Variants in PCDHB14 observed in about 807,000 individuals in gnomAD.
PCDHB14 encodes the protein protocadherin beta 14.
For synonymous variants in PCDHB14, 511 were observed against 441.5 expected (o/e 1.16, Z -1.97); for missense variants, 1,129 against 1,000.5 (o/e 1.13, Z -1.73).
chr5:141,223,671 G>T lies in PCDHB14; in HGVS notation c.166G>T (p.Val56Leu), dbSNP rs1754765665. 1 of 1,614,154 alleles carries T rather than the reference G, an allele frequency of 6.2e-7. No homozygotes were observed. The highest frequency in any genetic ancestry group is 8.5e-7 in the Non-Finnish European group (1 of 1,180,028). ...TCTAGCGAGGGACCTAGGGCTGGGGGTGGAGGAGCTGTCTTCACGTGAAGC... is the reference window on the plus strand; with the variant it reads ...TCTAGCGAGGGACCTAGGGCTGGGGTTGGAGGAGCTGTCTTCACGTGAAGC... ...ANLARDLGLG[V>L]EELSSREARV... Residue 56 changes from valine (V) to leucine (L), a missense_variant, in exon 1 of 1, where the codon GTG (valine) becomes TTG (leucine). By Grantham distance (32) the Val-to-Leu change is conservative. Coordinates refer to ENST00000239449, the MANE Select transcript of PCDHB14 (RefSeq NM_018934.4).
rs1211184066 is a variant in PCDHB14 at position 141,225,185 on chromosome 5, C to G, written c.1680C>G (p.Phe560Leu). Residue 560 changes from phenylalanine (F) to leucine (L), a missense_variant, in exon 1 of 1, where the codon TTC (phenylalanine) becomes TTG (leucine). Transcript: ENST00000239449. ...LVLDANDNSPFVLYPLQNGSA... is the reference protein window; with the variant it reads ...LVLDANDNSPLVLYPLQNGSA... ...TGGACGCCAACGACAACTCGCCCTT[C>G]GTGCTGTACCCGCTGCAGAACGGCT... 2 of 1,609,842 alleles carry G rather than the reference C, an allele frequency of 1.2e-6. No individual in the cohort carries two copies. The highest frequency in any genetic ancestry group is 2.7e-5 in the African/African-American group (2 of 74,970).
rs782215545 is a variant in PCDHB14, at chr5:141,225,237, C to T, written c.1732C>T (p.Arg578Trp). ...GSAPCTELVP[R>W]AAEPGYLVTK... Reference sequence around the variant, plus strand: ...CGCGCCCTGCACCGAGCTGGTGCCCCGGGCGGCCGAGCCGGGCTACCTGGT... The same window carrying T: ...CGCGCCCTGCACCGAGCTGGTGCCCTGGGCGGCCGAGCCGGGCTACCTGGT... The change falls in exon 1 of 1, where the codon CGG (arginine) becomes TGG (tryptophan). Residue 578 changes from arginine to tryptophan, a missense_variant. Arg to Trp is a moderately radical substitution (Grantham distance 101). Coordinates refer to ENST00000239449, the MANE Select transcript of PCDHB14 (RefSeq NM_018934.4). 47 of 1,600,898 alleles carry T rather than the reference C, an allele frequency of 2.9e-5. No individual in the cohort carries two copies. Among genetic ancestry groups the T allele is most frequent in the Middle Eastern group, 2.3e-4 (1 of 4,418 alleles).
chr5:141,226,296 C>A lies in PCDHB14; in HGVS notation c.*394C>A. On this transcript the variant is annotated 3_prime_UTR_variant, in exon 1 of 1. Coordinates refer to ENST00000239449, the MANE Select transcript of PCDHB14 (RefSeq NM_018934.4). ...ATAAAAAGCGTTGCTGAATCTGGGT[C>A]GAAAATGTAGTGCGTTTATCCCACT... is the stretch of plus-strand genomic sequence containing the variant. 1 of 175,956 alleles carries A rather than the reference C, an allele frequency of 5.7e-6. No individual in the cohort carries two copies. The highest frequency in any genetic ancestry group is 1.3e-5 in the Non-Finnish European group (1 of 75,260). 10.9% of individuals were successfully genotyped at this position (175,956 alleles called of 1,614,324 possible). A position where few individuals can be genotyped will look rare whatever the true frequency, so the allele number is the denominator to read the frequency against.
At position 141,225,794 on chromosome 5, in the gene PCDHB14, G is replaced by A. The variant is rs781909873; in HGVS notation, c.2289G>A (p.Glu763=). 2 of 1,614,224 alleles carry A rather than the reference G, an allele frequency of 1.2e-6. No homozygotes were observed. The highest frequency in any genetic ancestry group is 1.7e-6 in the Non-Finnish European group (2 of 1,180,048). The change falls in exon 1 of 1, where the codon GAG becomes GAA. Residue 763 remains glutamate (E), a synonymous_variant. Transcript: ENST00000239449. ...VCLTGGSGTN[E]FKFLKPIIPN... is the part of the protein sequence containing the mutation. ...TGACAGGAGGTTCCGGGACAAATGA[G>A]TTCAAATTTCTGAAGCCGATTATCC... is the stretch of plus-strand genomic sequence containing the variant.
In PCDHB14 at chr5:141,226,111, C is replaced by A; in HGVS notation, c.*209C>A. 1 of 573,868 alleles carries A rather than the reference C, an allele frequency of 1.7e-6. No homozygotes were observed. Among genetic ancestry groups the A allele is most frequent in the Non-Finnish European group, 3.1e-6 (1 of 327,664 alleles). 35.5% of individuals were successfully genotyped at this position (573,868 alleles called of 1,614,324 possible). On this transcript the variant is annotated 3_prime_UTR_variant, in exon 1 of 1. Coordinates refer to ENST00000239449, the MANE Select transcript of PCDHB14 (RefSeq NM_018934.4). ...TTTTCTGGTTTTTCATTTATTTGGC[C>A]AAAATGTTATATTAATGGAGTTATT... is the stretch of plus-strand genomic sequence containing the variant.
Position 141,224,002 on chromosome 5 carries a change from G to A in PCDHB14, c.497G>A (p.Ser166Asn). The A allele has an allele frequency of 6.2e-7, 1 of 1,613,482 alleles. No homozygotes were observed. The highest frequency in any genetic ancestry group is 1.1e-5 in the South Asian group (1 of 90,902). ...SAQDLDVGSN[S>N]LQNYTISPNS... is the part of the protein sequence containing the mutation. The stretch of plus-strand genomic sequence containing the variant: ...CAAGATTTGGATGTCGGAAGCAACA[G>A]TCTCCAAAACTACACAATTAGCCCC... Residue 166 changes from serine (S) to asparagine (N), a missense_variant, in exon 1 of 1, where the codon AGT (serine) becomes AAT (asparagine). Transcript: ENST00000239449.
Position 141,224,205 on chromosome 5 carries a change from G to A in PCDHB14, c.700G>A (p.Asp234Asn). The A allele has an allele frequency of 6.2e-7, 1 of 1,613,924 alleles. No homozygotes were observed. The highest frequency in any genetic ancestry group is 8.5e-7 in the Non-Finnish European group (1 of 1,179,936). ...AACTTTGGTTCTCATCAAGGTGTTGGACATCAATGATAATGCCCCTGAGTT... is the reference window on the plus strand; with the variant it reads ...AACTTTGGTTCTCATCAAGGTGTTGAACATCAATGATAATGCCCCTGAGTT... Reference protein sequence around the residue: ...GTTLVLIKVLDINDNAPEFPQ... With the variant: ...GTTLVLIKVLNINDNAPEFPQ... The change falls in exon 1 of 1, where the codon GAC becomes AAC. Residue 234 changes from aspartate (D) to asparagine (N), a missense_variant. By Grantham distance (23) the Asp-to-Asn change is conservative. Transcript: ENST00000239449.
Position 141,223,516 on chromosome 5 carries a change from G to A in PCDHB14, c.11G>A (p.Arg4Lys). 1 of 1,608,764 alleles carries A rather than the reference G, an allele frequency of 6.2e-7. No individual in the cohort carries two copies. The highest frequency in any genetic ancestry group is 8.5e-7 in the Non-Finnish European group (1 of 1,176,442). Residue 4 changes from arginine to lysine, a missense_variant, in exon 1 of 1, where the codon AGA (arginine) becomes AAA (lysine). Arg to Lys is a conservative substitution (Grantham distance 26). Transcript: ENST00000239449. ...TTGCCTAAAGGAACCATGGAGATCA[G>A]AGGGGCACTCGATCTGCGAAAAAGG... MEI[R>K]GALDLRKRQV...
Position 141,223,705 on chromosome 5 carries a change from T to A in PCDHB14, c.200T>A (p.Val67Glu). Residue 67 changes from valine to glutamate, a missense_variant, in exon 1 of 1, where the codon GTG (valine) becomes GAG (glutamate). Coordinates refer to ENST00000239449, the MANE Select transcript of PCDHB14 (RefSeq NM_018934.4). Reference sequence around the variant, plus strand: ...CTGTCTTCACGTGAAGCCCGGGTAGTGTCTGATGATAATAAAAAGTATTTG... The same window carrying A: ...CTGTCTTCACGTGAAGCCCGGGTAGAGTCTGATGATAATAAAAAGTATTTG... Reference protein sequence around the residue: ...EELSSREARVVSDDNKKYLHL... With the variant: ...EELSSREARVESDDNKKYLHL... 6.2e-7 allele frequency: 1 copy of A among 1,614,088 alleles called. No individual in the cohort carries two copies.
At position 141,224,820 on chromosome 5, in the gene PCDHB14, G is replaced by C. The variant is rs781947297; in HGVS notation, c.1315G>C (p.Val439Leu). ...PRLKTEYNIT[V>L]LLSDVNDNAP... is the part of the protein sequence containing the mutation. ...GCTGAAAACCGAGTACAACATAACC[G>C]TGCTGCTCTCTGACGTCAATGACAA... The change falls in exon 1 of 1, where the codon GTG becomes CTG. Residue 439 changes from valine to leucine, a missense_variant. Coordinates refer to ENST00000239449, the MANE Select transcript of PCDHB14 (RefSeq NM_018934.4). The C allele has an allele frequency of 8.7e-6, 14 of 1,613,888 alleles. No individual in the cohort carries two copies. The Middle Eastern group carries it at 5.0e-4, about 57-fold the overall frequency.
At position 141,225,398 on chromosome 5, in the gene PCDHB14, C is replaced by A. The variant is rs1289128108; in HGVS notation, c.1893C>A (p.Ser631Arg). Reference sequence around the variant, plus strand: ...AGGTGCGCACCGCCAGGCTGCTGAGCGAGCGCGACGCGGCCAAGCACAGGC... The same window carrying A: ...AGGTGCGCACCGCCAGGCTGCTGAGAGAGCGCGACGCGGCCAAGCACAGGC... ...NGEVRTARLLSERDAAKHRLV... is the reference protein window; with the variant it reads ...NGEVRTARLLRERDAAKHRLV... The change falls in exon 1 of 1, where the codon AGC becomes AGA. Residue 631 changes from serine to arginine, a missense_variant. By Grantham distance (110) the Ser-to-Arg change is moderately radical. Transcript: ENST00000239449. 1 of 1,604,410 alleles carries A rather than the reference C, an allele frequency of 6.2e-7. No individual in the cohort carries two copies. Among genetic ancestry groups the A allele is most frequent in the African/African-American group, 1.3e-5 (1 of 74,948 alleles).
chr5:141,223,520 G>C lies in PCDHB14; in HGVS notation c.15G>C (p.Gly5=). 6.2e-7 allele frequency: 1 copy of C among 1,609,522 alleles called. No homozygotes were observed. The highest frequency in any genetic ancestry group is 8.5e-7 in the Non-Finnish European group (1 of 1,176,904). The change falls in exon 1 of 1, where the codon GGG becomes GGC. Residue 5 remains glycine, a synonymous_variant. Coordinates refer to ENST00000239449, the MANE Select transcript of PCDHB14 (RefSeq NM_018934.4). ...CTAAAGGAACCATGGAGATCAGAGG[G>C]GCACTCGATCTGCGAAAAAGGCAAG... The part of the protein sequence containing the change: MEIR[G]ALDLRKRQVL...
rs781903002 is a variant in PCDHB14 at position 141,225,713 on chromosome 5, G to C, written c.2208G>C (p.Leu736=). 9 of 1,614,240 alleles carry C rather than the reference G, an allele frequency of 5.6e-6. No homozygotes were observed. The highest frequency in any genetic ancestry group is 5.9e-6 in the Non-Finnish European group (7 of 1,180,042). Residue 736 remains leucine, a synonymous_variant, in exon 1 of 1, where the codon CTG becomes CTC. Transcript: ENST00000239449. ...CCGAGGGTCCCTTTCCAGGGCATCT[G>C]GTGGACGTGAGCGGCACCGGGACCC... ...SVPEGPFPGH[L]VDVSGTGTLS...
At position 141,224,328 on chromosome 5, in the gene PCDHB14, G is replaced by T. The variant is rs201067198; in HGVS notation, c.823G>T (p.Gly275Ter). The T allele has an allele frequency of 6.2e-7, 1 of 1,613,484 alleles. No individual in the cohort carries two copies. Residue 275 changes from glycine to a stop codon, truncating the protein, a stop_gained, in exon 1 of 1, where the codon GGA (glycine) becomes TGA (stop). Coordinates refer to ENST00000239449, the MANE Select transcript of PCDHB14 (RefSeq NM_018934.4). LOFTEE classifies it low-confidence loss of function (END_TRUNC). Reference protein sequence around the residue: ...SAKDLDAGNYGKISYTFFHAS... With the variant: ...SAKDLDAGNY ...TAAGGATCTGGATGCAGGAAACTAT[G>T]GAAAAATATCTTACACATTTTTCCA...
At position 141,223,659 on chromosome 5, in the gene PCDHB14, CT is replaced by C. The variant is rs782231701; in HGVS notation, c.155del (p.Leu52GlnfsTer15). ...TTTTGTGGCTAATCTAGCGAGGGAC[CT>C]AGGGCTGGGGGTGGAGGAGCTGTCT... ...GSFVANLARDLGLGVEELSSR... is the reference protein window; with the variant it reads ...GSFVANLARDXGLGVEELSSR... On this transcript the variant is annotated frameshift_variant, in exon 1 of 1. Transcript: ENST00000239449. LOFTEE classifies it low-confidence loss of function (END_TRUNC). The C allele has an allele frequency of 6.2e-7, 1 of 1,614,078 alleles. No individual in the cohort carries two copies. The highest frequency in any genetic ancestry group is 8.5e-7 in the Non-Finnish European group (1 of 1,180,014).
Position 141,227,564 on chromosome 5 carries a change from A to G in PCDHB14, c.*1662A>G, listed in dbSNP as rs1361104922. 1.3e-5 allele frequency: 2 copies of G among 152,204 alleles called. No homozygotes were observed. Among genetic ancestry groups the G allele is most frequent in the South Asian group, 2.1e-4 (1 of 4,830 alleles). The allele number at this position is 152,204 out of a possible 1,614,324, so 9.4% of individuals were successfully genotyped here. ...AATTGCTCTTACAAGATTAAATACTATTATAGACCAGATGATGTAGTAAAA... is the reference window on the plus strand; with the variant it reads ...AATTGCTCTTACAAGATTAAATACTGTTATAGACCAGATGATGTAGTAAAA... On this transcript the variant is annotated 3_prime_UTR_variant, in exon 1 of 1. Coordinates refer to ENST00000239449, the MANE Select transcript of PCDHB14 (RefSeq NM_018934.4).
Position 141,227,151 on chromosome 5 carries a change from C to T in PCDHB14, c.*1249C>T, listed in dbSNP as rs1554289706. The T allele has an allele frequency of 6.6e-6, 1 of 152,086 alleles. No individual in the cohort carries two copies. The highest frequency in any genetic ancestry group is 6.5e-5 in the Admixed American group (1 of 15,272). 9.4% of individuals were successfully genotyped at this position (152,086 alleles called of 1,614,324 possible). ...CTGGCCTAGTTTTCTTTAAATACACCGTGTTTACTAGCTTAAATTTTGTGT... is the reference window on the plus strand; with the variant it reads ...CTGGCCTAGTTTTCTTTAAATACACTGTGTTTACTAGCTTAAATTTTGTGT... On this transcript the variant is annotated 3_prime_UTR_variant, in exon 1 of 1. Transcript: ENST00000239449.
chr5:141,224,405 A>T lies in PCDHB14; in HGVS notation c.900A>T (p.Glu300Asp). Residue 300 changes from glutamate to aspartate, a missense_variant, in exon 1 of 1, where the codon GAA (glutamate) becomes GAT (aspartate). Coordinates refer to ENST00000239449, the MANE Select transcript of PCDHB14 (RefSeq NM_018934.4). ...TTGAAATTAATCCAATATCTGGGGAAGTTAATTTGAGATCACCCCTGGATT... is the reference window on the plus strand; with the variant it reads ...TTGAAATTAATCCAATATCTGGGGATGTTAATTTGAGATCACCCCTGGATT... The part of the protein sequence containing the change: ...KTFEINPISG[E>D]VNLRSPLDFE... The T allele has an allele frequency of 6.2e-7, 1 of 1,606,606 alleles. No homozygotes were observed. The highest frequency in any genetic ancestry group is 8.5e-7 in the Non-Finnish European group (1 of 1,176,938).
rs200356667 is a variant in PCDHB14, at chr5:141,225,716, G to A, written c.2211G>A (p.Val737=). 16 of 1,614,236 alleles carry A rather than the reference G, an allele frequency of 9.9e-6. No individual in the cohort carries two copies. The highest frequency in any genetic ancestry group is 9.3e-5 in the African/African-American group (7 of 75,074). ...VPEGPFPGHL[V]DVSGTGTLSQ... The stretch of plus-strand genomic sequence containing the variant: ...AGGGTCCCTTTCCAGGGCATCTGGT[G>A]GACGTGAGCGGCACCGGGACCCTGT... The change falls in exon 1 of 1, where the codon GTG becomes GTA. Residue 737 remains valine, a synonymous_variant. Coordinates refer to ENST00000239449, the MANE Select transcript of PCDHB14 (RefSeq NM_018934.4).
Sources: gnomAD v4.1 joint callset for allele counts on GRCh38, gnomAD v4.1.1 for gene constraint, MANE v1.5 for transcripts, NCBI Gene and HGNC (gene_info 2026-07-23, HGNC 2026-07-21) for gene names.